Variants in HAT1 observed in about 807,000 individuals in gnomAD.
The protein encoded by HAT1 is histone acetyltransferase type B catalytic subunit.
Under a neutral mutation model 56.6 loss-of-function variants are expected in HAT1, and 20 were observed. The ratio of observed to expected loss-of-function variants is 0.35; its 90% CI spans 0.25 to 0.51. HAT1 has a LOEUF of 0.51. Among genes scored for constraint, HAT1 ranks in the 20% least tolerant of loss-of-function variants. HAT1 has a pLI of 0.95. For missense variants in HAT1, 408 were observed against 504.3 expected (o/e 0.81, Z 1.83); for synonymous variants, 146 against 165.5 (o/e 0.88, Z 0.91).
chr2:171,928,526 T>G (rs1340284612), intron 2 of HAT1, among the ~76,000 whole-genome samples: 2 of 152,226 alleles, frequency 1.3e-5, no homozygotes, highest in Non-Finnish European at 2.9e-5. Context: ...TGTTGTTGTT[T>G]GAGACAGAGT....
At chr2:171,941,720 G>A (rs1324290716) in intron 2 of HAT1, among the ~76,000 whole-genome samples, 2 of 152,132 alleles carry the variant, frequency 1.3e-5, no homozygotes, top group Admixed American at 6.6e-5. Context: ...GGGGACAACT[G>A]TAAATACAGA....
chr2:171,972,177 T>A (rs1687830259), intron 8 of HAT1, among the ~76,000 whole-genome samples: 1 of 152,006 alleles, frequency 6.6e-6, no homozygotes, highest in Non-Finnish European at 1.5e-5. Context: ...CGGTTACATA[T>A]GAAATGCTAT....
chr2:171,958,258 A>G (rs1687492984), intron 4 of HAT1, among the ~76,000 whole-genome samples: 1 of 151,994 alleles, frequency 6.6e-6, no homozygotes, highest in African/African-American at 2.4e-5. Flanking sequence ...TGATTAAAAG[A>G]TGTTAGGAAT....
intron 2 of HAT1, among the ~76,000 whole-genome samples, chr2:171,935,759 C>G (rs1162629586): frequency 2.7e-4 from 41 of 151,624 alleles, no homozygotes; most frequent in Non-Finnish European, 8.8e-5. Context: ...GCTTGTGGTC[C>G]CAGCTACTCA....
chr2:171,977,379 T>C (rs535591377), intron 9 of HAT1, among the ~76,000 whole-genome samples: 58 of 147,952 alleles, frequency 3.9e-4, no homozygotes, highest in Non-Finnish European at 8.4e-4. Flanking sequence ...GAAGAATCGC[T>C]TAAACCTGGG....
intron 6 of HAT1, chr2:171,966,161 T>G: frequency 1.7e-6 from 1 of 604,126 alleles, no homozygotes; most frequent in Non-Finnish European, 3.0e-6. Context: ...GTGTTTTCTT[T>G]TACTTGCCAC....
At chr2:171,938,039 T>TCTCC (rs1553482945) in intron 2 of HAT1, among the ~76,000 whole-genome samples, 7 of 98,508 alleles carry the variant, frequency 7.1e-5, no homozygotes, top group Non-Finnish European at 1.3e-4. Flanking sequence ...TCTCTCTCTC[T>TCTCC]CTCTCTCTCT....
chr2:171,975,139 C>T (rs1343939685), intron 8 of HAT1, among the ~76,000 whole-genome samples: 1 of 147,670 alleles, frequency 6.8e-6, no homozygotes, highest in African/African-American at 2.5e-5. Flanking sequence ...GAGTCTCACT[C>T]TGTTGCCCAG....
chr2:171,925,505 A>G (rs374125419), intron 1 of HAT1, 32 bp from the exon 2 acceptor site: 2 of 976,396 alleles, frequency 2.0e-6, no homozygotes, highest in Non-Finnish European at 3.3e-6. Flanking sequence ...AGTCACTTCC[A>G]AACTAAACCT....
At chr2:171,946,643 A>C (rs2105319448) in intron 2 of HAT1, 65 bp from the exon 3 acceptor site, 46 of 912,514 alleles carry the variant, frequency 5.0e-5, no homozygotes, top group South Asian at 7.1e-5. Context: ...TGAAATAGGA[A>C]TACCTGTCAC....
rs140293256 is a variant in HAT1 at position 171,946,807 on chromosome 2, G to C, written c.188+24G>C. On this transcript the variant is annotated intron_variant, in intron 3 of 10. Transcript: ENST00000264108. ...GAGTAAGTAACTTAGTAAAATATTTGTCAAATTAGTATGGAAAAAAAAATT... is the reference window on the plus strand; with the variant it reads ...GAGTAAGTAACTTAGTAAAATATTTCTCAAATTAGTATGGAAAAAAAAATT... 1,418 of 1,096,056 alleles carry C rather than the reference G, an allele frequency of 1.3e-3. 10 individuals are homozygous for C. The highest frequency in any genetic ancestry group is 0.013 in the African/African-American group (802 of 62,296). The allele number at this position is 1,096,056 out of a possible 1,614,324, so 67.9% of individuals were successfully genotyped here.
chr2:171,978,517 T>C (rs1688046473), intron 9 of HAT1, among the ~76,000 whole-genome samples: 1 of 152,204 alleles, frequency 6.6e-6, no homozygotes, highest in South Asian at 2.1e-4. Context: ...TCAGATTTTC[T>C]ATTTTCTGCT....
At position 171,946,879 on chromosome 2, in the gene HAT1, T is replaced by G. The variant is rs529108849; in HGVS notation, c.188+96T>G. 9.5e-4 allele frequency: 607 copies of G among 635,816 alleles called. 7 individuals carry two copies. Among genetic ancestry groups the G allele is most frequent in the South Asian group, 5.2e-3 (252 of 48,534 alleles). 39.4% of individuals were successfully genotyped at this position (635,816 alleles called of 1,614,324 possible). On this transcript the variant is annotated intron_variant, in intron 3 of 10. Transcript: ENST00000264108. ...TTAGAAATCAAATTTTATTTTCTTC[T>G]TATTTTTAATGTGGTTTATCTTAAA...
rs115336045 is a variant in HAT1 at position 171,938,777 on chromosome 2, A to G, written c.113-7931A>G. On this transcript the variant is annotated intron_variant, in intron 2 of 10. Coordinates refer to ENST00000264108, the MANE Select transcript of HAT1 (RefSeq NM_003642.4). ...TTTTTTTGAGACAGGGTCTTGCTCT[A>G]TTGTCCACACTACAGTGCAGTGGTG... 6.1e-3 allele frequency among the ~76,000 whole-genome samples: 924 copies of G among 151,754 alleles called. 10 individuals carry two copies. The highest frequency in any genetic ancestry group is 0.018 in the African/African-American group (758 of 41,366).
In HAT1 at chr2:171,965,891, A is replaced by G; in HGVS notation, c.594A>G (p.Arg198=). 6.2e-7 allele frequency: 1 copy of G among 1,612,746 alleles called. No homozygotes were observed. Among genetic ancestry groups the G allele is most frequent in the South Asian group, 1.1e-5 (1 of 91,046 alleles). ...TASFIDVDDE[R]WHYFLVFEKY... ...GCTTTATTGACGTGGATGATGAAAGATGGCACTACTTTCTAGTGTAAGTAC... is the reference window on the plus strand; with the variant it reads ...GCTTTATTGACGTGGATGATGAAAGGTGGCACTACTTTCTAGTGTAAGTAC... The change falls in exon 6 of 11, where the codon AGA becomes AGG. Residue 198 remains arginine (R), a synonymous_variant. Transcript: ENST00000264108.
chr2:171,947,506 T>C (rs906578013), intron 3 of HAT1, among the ~76,000 whole-genome samples: 2 of 152,040 alleles, frequency 1.3e-5, no homozygotes, highest in African/African-American at 4.8e-5. Flanking sequence ...TCCTCCCACC[T>C]GCGCCTCCCA....
Position 171,968,027 on chromosome 2 carries a change from G to A in HAT1, c.823+1078G>A, listed in dbSNP as rs575084798. On this transcript the variant is annotated intron_variant, in intron 8 of 10. Transcript: ENST00000264108. ...AAAATTGAAGTTGCTTCAGAACAGT[G>A]AATTGATCTGTAGAATAATAAACTG... 5.9e-5 allele frequency among the ~76,000 whole-genome samples: 9 copies of A among 152,032 alleles called. No homozygotes were observed. The East Asian group carries it at 1.7e-3, about 29-fold the overall frequency.
intron 8 of HAT1, among the ~76,000 whole-genome samples, chr2:171,973,333 A>C (rs1420711639): frequency 6.6e-6 from 1 of 151,810 alleles, no homozygotes; most frequent in African/African-American, 2.4e-5. Context: ...TTCTTTTTCA[A>C]AATTATTTTG....
intron 8 of HAT1, among the ~76,000 whole-genome samples, chr2:171,973,398 T>TG: frequency 1.9e-5 from 1 of 52,832 alleles, no homozygotes; most frequent in East Asian, 6.5e-4. Context: ...CACCAATTTC[T>TG]GCAAAAAAAA....
Sources: allele counts gnomAD v4.1 joint callset (sites outside exome capture counted in the v4.1 genomes callset), GRCh38; gene constraint gnomAD v4.1.1; transcripts MANE v1.5; gene names NCBI Gene and HGNC (gene_info 2026-07-23, HGNC 2026-07-21).